Variants in IMMP1L observed in about 807,000 individuals in gnomAD.
The protein encoded by IMMP1L is inner mitochondrial membrane peptidase subunit 1.
A neutral mutation model predicts 21.8 loss-of-function variants in IMMP1L; 24 were observed. The ratio of observed to expected loss-of-function variants is 1.10; its 90% CI spans 0.80 to 1.55. The LOEUF (loss-of-function observed/expected upper bound fraction) is 1.55. Among genes scored for constraint, IMMP1L ranks in the 40% most tolerant of loss-of-function variants. The pLI, the probability that IMMP1L is intolerant of heterozygous loss-of-function variation, is 0.00. For missense variants in IMMP1L, 195 were observed against 200.7 expected, an observed-to-expected ratio of 0.97 and a Z score of 0.17; for synonymous variants, 46 against 62.8, an observed-to-expected ratio of 0.73 and a Z score of 1.26.
At chr11:31,450,651 C>A (rs1953719099) in intron 4 of IMMP1L, among the ~76,000 whole-genome samples, 1 of 152,166 alleles carries the variant, frequency 6.6e-6, no homozygotes, top group Non-Finnish European at 1.5e-5. Context: ...AATAGCTTAG[C>A]TTTCAAGTCT....
intron 4 of IMMP1L, among the ~76,000 whole-genome samples, chr11:31,435,085 G>GT (rs1237759418): frequency 6.6e-6 from 1 of 152,124 alleles, no homozygotes; most frequent in Admixed American, 6.5e-5. Flanking sequence ...CCTAAAATGT[G>GT]TTTTTTCCTG....
chr11:31,493,420 C>T (rs944470528), intron 1 of IMMP1L, among the ~76,000 whole-genome samples: 6 of 152,254 alleles, frequency 3.9e-5, no homozygotes, highest in South Asian at 4.2e-4. Context: ...AACCCACCCC[C>T]GCCATGATTC....
At chr11:31,446,611 C>A (rs1252553956) in intron 4 of IMMP1L, among the ~76,000 whole-genome samples, 2 of 152,128 alleles carry the variant, frequency 1.3e-5, no homozygotes, top group African/African-American at 4.8e-5. Context: ...CTACATGTGC[C>A]ATACACTGGA....
intron 4 of IMMP1L, among the ~76,000 whole-genome samples, chr11:31,454,550 C>A (rs565236621): frequency 1.3e-5 from 2 of 150,868 alleles, no homozygotes; most frequent in Non-Finnish European, 2.9e-5. Flanking sequence ...TGGTAAATAT[C>A]CTAATTTCAT....
intron 1 of IMMP1L, among the ~76,000 whole-genome samples, chr11:31,472,180 T>C (rs1025131216): frequency 1.3e-5 from 2 of 152,208 alleles, no homozygotes; most frequent in African/African-American, 2.4e-5. Flanking sequence ...TCGTTTGCCA[T>C]GTAAGGCAAC....
At chr11:31,467,812 G>GT (rs2133691956) in intron 1 of IMMP1L, among the ~76,000 whole-genome samples, 1 of 149,244 alleles carries the variant, frequency 6.7e-6, no homozygotes, top group East Asian at 2.0e-4. Flanking sequence ...AGGGAACAAG[G>GT]TATCTTTCCA....
rs181078755 is a variant in IMMP1L at position 31,497,116 on chromosome 11, A to G, written c.-30+12403T>C. Among the ~76,000 whole-genome samples the G allele has an allele frequency of 1.1e-3, 161 of 151,464 alleles. 2 individuals are homozygous for G. Among genetic ancestry groups the G allele is most frequent in the African/African-American group, 3.5e-3 (146 of 41,386 alleles). ...TTCACTTATGATTTTCAACCTTATA[A>G]TGGGTTTATCAGGGTATTAAATACA... On this transcript the variant is annotated intron_variant, in intron 1 of 5. Coordinates refer to ENST00000532287, the MANE Select transcript of IMMP1L (RefSeq NM_001304274.2).
intron 4 of IMMP1L, among the ~76,000 whole-genome samples, chr11:31,437,538 T>C (rs1366572316): frequency 6.6e-6 from 1 of 152,200 alleles, no homozygotes; most frequent in Non-Finnish European, 1.5e-5. Flanking sequence ...CTTTTAAATA[T>C]ATAATTATTT....
intron 1 of IMMP1L, among the ~76,000 whole-genome samples, chr11:31,470,941 T>C (rs770706106): frequency 2.0e-5 from 3 of 152,134 alleles, no homozygotes; most frequent in South Asian, 2.1e-4. Context: ...CAGAAGGAGA[T>C]AGAATAGTGA....
Position 31,443,635 on chromosome 11 carries a change from C to A in IMMP1L, c.322-10065G>T, listed in dbSNP as rs187172968. The stretch of plus-strand genomic sequence containing the variant: ...ATGCATAATAAAGGGATTGTAGAGA[C>A]CAGGCACAGAATAGTTAATACACTG... On this transcript the variant is annotated intron_variant, in intron 4 of 5. Coordinates refer to ENST00000532287, the MANE Select transcript of IMMP1L (RefSeq NM_001304274.2). Among the ~76,000 whole-genome samples, 61 of 152,242 alleles carry A rather than the reference C, an allele frequency of 4.0e-4. 1 individual carries two copies. Among genetic ancestry groups the A allele is most frequent in the Non-Finnish European group, 1.3e-4 (9 of 68,014 alleles).
intron 1 of IMMP1L, among the ~76,000 whole-genome samples, chr11:31,484,719 C>T (rs752373970): frequency 2.0e-5 from 3 of 151,816 alleles, no homozygotes; most frequent in Non-Finnish European, 3.0e-5. Context: ...TCATTTTGCA[C>T]TTCCACAACC....
At chr11:31,463,401 C>A in intron 1 of IMMP1L, 96 bp from the exon 2 acceptor site, 2 of 1,131,462 alleles carry the variant, frequency 1.8e-6, no homozygotes, top group Non-Finnish European at 2.4e-6. Flanking sequence ...CCAAAATGTA[C>A]TAAGTGCCTA....
At chr11:31,506,940 C>T (rs1955796022) in intron 1 of IMMP1L, among the ~76,000 whole-genome samples, 1 of 144,358 alleles carries the variant, frequency 6.9e-6, no homozygotes, top group Non-Finnish European at 1.5e-5. Flanking sequence ...AGCCTGGCAA[C>T]AGAGCGAGAC....
At chr11:31,501,386 T>C (rs1436985796) in intron 1 of IMMP1L, among the ~76,000 whole-genome samples, 1 of 152,186 alleles carries the variant, frequency 6.6e-6, no homozygotes, top group Non-Finnish European at 1.5e-5. Context: ...ATGAAAATTA[T>C]AAATGAGATT....
intron 1 of IMMP1L, among the ~76,000 whole-genome samples, chr11:31,503,792 T>A (rs747866314): frequency 6.6e-6 from 1 of 152,218 alleles, no homozygotes; most frequent in African/African-American, 2.4e-5. Flanking sequence ...AGGGTGAGTT[T>A]CCCATTTTTA....
At chr11:31,453,525 G>C (rs1261287819) in intron 4 of IMMP1L, among the ~76,000 whole-genome samples, 1 of 152,142 alleles carries the variant, frequency 6.6e-6, no homozygotes, top group African/African-American at 2.4e-5. Flanking sequence ...TATTGCACCA[G>C]TGTGCTTCTG....
Position 31,446,793 on chromosome 11 carries a change from T to A in IMMP1L, c.321+9467A>T, listed in dbSNP as rs142918961. Among the ~76,000 whole-genome samples the A allele has an allele frequency of 3.7e-3, 567 of 152,346 alleles. 9 individuals are homozygous for A. Among genetic ancestry groups the A allele is most frequent in the South Asian group, 0.031 (148 of 4,834 alleles). ...AACCCAGTCTGGATAAATATCCTTG[T>A]GTCTTATCAAAGCACCTGTGCCTAA... On this transcript the variant is annotated intron_variant, in intron 4 of 5. Coordinates refer to ENST00000532287, the MANE Select transcript of IMMP1L (RefSeq NM_001304274.2).
chr11:31,442,267 G>C (rs1481069799), intron 4 of IMMP1L, among the ~76,000 whole-genome samples: 1 of 152,160 alleles, frequency 6.6e-6, no homozygotes, highest in East Asian at 1.9e-4. Flanking sequence ...CTGAGGTCTA[G>C]TTAAGTGCCT....
At position 31,476,403 on chromosome 11, in the gene IMMP1L, T is replaced by C. The variant is rs182877839; in HGVS notation, c.-29-13098A>G. Among the ~76,000 whole-genome samples, 524 of 152,128 alleles carry C rather than the reference T, an allele frequency of 3.4e-3. 1 individual carries two copies. Among genetic ancestry groups the C allele is most frequent in the Admixed American group, 0.011 (164 of 15,282 alleles). ...GGGAACTCTGTATAAATTTATTATA[T>C]TTGCTGACTTTTCTAGTAAAGACTT... On this transcript the variant is annotated intron_variant, in intron 1 of 5. Coordinates refer to ENST00000532287, the MANE Select transcript of IMMP1L (RefSeq NM_001304274.2).
Sources: allele counts gnomAD v4.1 joint callset (sites outside exome capture counted in the v4.1 genomes callset), GRCh38; gene constraint gnomAD v4.1.1; transcripts MANE v1.5; gene names NCBI Gene and HGNC (gene_info 2026-07-23, HGNC 2026-07-21).